The following SNX31 variants were observed in gnomAD, a reference collection of about 807,000 sequenced individuals.
SNX31 encodes the protein sorting nexin-31.
SNX31 carries 58 observed loss-of-function variants against 65.4 expected under a neutral mutation model. The observed-to-expected ratio is 0.89, with a 90% confidence interval of 0.72 to 1.10. SNX31 has a LOEUF of 1.10. SNX31 is among the 50% of genes least tolerant of loss of function. The pLI is 0.00. For missense variants in SNX31, 523 were observed against 529.7 expected, an observed-to-expected ratio of 0.99 and a Z score of 0.12; for synonymous variants, 181 against 190.1, an observed-to-expected ratio of 0.95 and a Z score of 0.39.
chr8:100,590,251 T>C (rs921951456), intron 10 of SNX31, among the ~76,000 whole-genome samples: 1 of 152,192 alleles, frequency 6.6e-6, no homozygotes, highest in South Asian at 2.1e-4. Context: ...AAAGATATTT[T>C]TCCCCCTAGG....
At chr8:100,663,568 G>A (rs545552899), upstream of SNX31, among the ~76,000 whole-genome samples, 44 of 152,248 alleles carry the variant, frequency 2.9e-4, no homozygotes, top group African/African-American at 9.9e-4. Context: ...CGGAGTAAAA[G>A]GTCCTATAAA....
At chr8:100,662,087 A>G (rs185563477) in intron 1 of SNX31, among the ~76,000 whole-genome samples, 292 of 152,298 alleles carry the variant, frequency 1.9e-3, no homozygotes, top group African/African-American at 6.8e-3. Context: ...GGCCTCCCAG[A>G]GTGCTAGGAT....
chr8:100,584,380 T>C (rs1038110892), intron 11 of SNX31, among the ~76,000 whole-genome samples, 192 bp from the exon 12 acceptor site: 1 of 152,234 alleles, frequency 6.6e-6, no homozygotes. Flanking sequence ...TTCTCAATTA[T>C]GTGGATATAT....
chr8:100,589,103 C>T (rs992659104), intron 10 of SNX31, 124 bp from the exon 11 acceptor site: 1 of 587,686 alleles, frequency 1.7e-6, no homozygotes, highest in Non-Finnish European at 3.0e-6. Flanking sequence ...GAGTTCGAGA[C>T]CATCCTGGCC....
chr8:100,604,134 C>T lies in SNX31; in HGVS notation c.682-3693G>A, dbSNP rs60919981. On this transcript the variant is annotated intron_variant, in intron 8 of 13. Coordinates refer to ENST00000311812, the MANE Select transcript of SNX31 (RefSeq NM_152628.4). The surrounding 1 kb of genome is among the most constrained non-coding windows in gnomAD (Gnocchi z 4.3). ...ATACAGTGCCTCACTCTGAGTAGGT[C>T]CAGACAATGAGAGTCGAGTCTAGAC... Among the ~76,000 whole-genome samples the T allele has an allele frequency of 4.9e-3, 747 of 152,146 alleles. 7 individuals are homozygous for T. The highest frequency in any genetic ancestry group is 0.043 in the East Asian group (223 of 5,180).
intron 8 of SNX31, among the ~76,000 whole-genome samples, chr8:100,608,085 A>G (rs1475569360): frequency 1.3e-5 from 2 of 152,222 alleles, no homozygotes; most frequent in Non-Finnish European, 2.9e-5. Flanking sequence ...AAATTCAGAG[A>G]TGGATTGTTA....
chr8:100,641,801 G>A (rs1271160311), intron 2 of SNX31, among the ~76,000 whole-genome samples: 11 of 149,682 alleles, frequency 7.3e-5, no homozygotes, highest in African/African-American at 2.5e-5. Context: ...ATTATAGGCC[G>A]GGCGTGGTGG....
Position 100,604,522 on chromosome 8 carries a change from C to T in SNX31, c.681+3972G>A, listed in dbSNP as rs1184777879. Among the ~76,000 whole-genome samples the T allele has an allele frequency of 3.3e-5, 5 of 152,330 alleles. No individual in the cohort carries two copies. The highest frequency in any genetic ancestry group is 4.1e-4 in the South Asian group (2 of 4,828). On this transcript the variant is annotated intron_variant, in intron 8 of 13. Coordinates refer to ENST00000311812, the MANE Select transcript of SNX31 (RefSeq NM_152628.4). This position sits in a 1 kb window ranked among gnomAD's most constrained non-coding sequence, Gnocchi z 4.3. ...GTCAGGAAGCCAAAGGTCAGCCCCC[C>T]TCCACTCACCAAGCCATGGGCCCCG...
At chr8:100,583,375 G>A (rs567376420) in intron 12 of SNX31, among the ~76,000 whole-genome samples, 1 of 151,984 alleles carries the variant, frequency 6.6e-6, no homozygotes, top group South Asian at 2.1e-4. Flanking sequence ...GAAGTGCTGG[G>A]ATTACAGGCA....
rs561685363 is a variant in SNX31, at chr8:100,589,080, C to T, written c.979-101G>A. The T allele has an allele frequency of 6.4e-5, 51 of 792,564 alleles. No homozygotes were observed. The East Asian group carries it at 9.1e-4, about 14-fold the overall frequency. 49.1% of individuals were successfully genotyped at this position (792,564 alleles called of 1,614,324 possible). ...GAAATCCCAGCTGAGGCGGGCAGATCGCCTGAGGTCAGGAGTTCGAGACCA... is the reference window on the plus strand; with the variant it reads ...GAAATCCCAGCTGAGGCGGGCAGATTGCCTGAGGTCAGGAGTTCGAGACCA... On this transcript the variant is annotated intron_variant, in intron 10 of 13. Coordinates refer to ENST00000311812, the MANE Select transcript of SNX31 (RefSeq NM_152628.4).
At chr8:100,611,808 G>T (rs1816735812) in intron 7 of SNX31, among the ~76,000 whole-genome samples, 192 bp downstream of exon 7, 1 of 152,072 alleles carries the variant, frequency 6.6e-6, no homozygotes, top group Non-Finnish European at 1.5e-5. Flanking sequence ...ATCTTGCCTT[G>T]GTCTCCCAAG....
At chr8:100,611,934 G>A (rs1291139083) in intron 7 of SNX31, 66 bp downstream of exon 7, 1 of 1,229,054 alleles carries the variant, frequency 8.1e-7, no homozygotes, top group Admixed American at 1.7e-5. Context: ...ACGGGACTCT[G>A]GTAAGTCCTG....
At position 100,608,567 on chromosome 8, in the gene SNX31, C is replaced by T. The variant is rs531554383; in HGVS notation, c.612-4G>A. Reference sequence around the variant, plus strand: ...GTCGAGGGATGGAGCCATATACCTGCAAAATTCAGGAGTGTGAAATTCATT... The same window carrying T: ...GTCGAGGGATGGAGCCATATACCTGTAAAATTCAGGAGTGTGAAATTCATT... On this transcript the variant is annotated splice_polypyrimidine_tract_variant and splice_region_variant and intron_variant, in intron 7 of 13. Transcript: ENST00000311812. 4 of 1,613,786 alleles carry T rather than the reference C, an allele frequency of 2.5e-6. No individual in the cohort carries two copies. Among genetic ancestry groups the T allele is most frequent in the East Asian group, 2.2e-5 (1 of 44,870 alleles).
At chr8:100,653,537 C>T (rs1301827811), upstream of SNX31, among the ~76,000 whole-genome samples, 1 of 152,172 alleles carries the variant, frequency 6.6e-6, no homozygotes, top group Non-Finnish European at 1.5e-5. Flanking sequence ...AGTTGTGCTT[C>T]CAGAAGCCAA....
At position 100,584,144 on chromosome 8, in the gene SNX31, C is replaced by T. The variant is rs1563514050; in HGVS notation, c.1137G>A (p.Lys379=). 1.9e-6 allele frequency: 3 copies of T among 1,603,320 alleles called. No individual in the cohort carries two copies. Among genetic ancestry groups the T allele is most frequent in the Non-Finnish European group, 2.6e-6 (3 of 1,175,946 alleles). Residue 379 remains lysine, a synonymous_variant, in exon 12 of 14, where the codon AAG becomes AAA. Transcript: ENST00000311812. ...SSCLKKMISE[K]MVKLAAENTE... ...TATTCTCAGCAGCTAGCTTTACCAT[C>T]TTTTCTGAGATCATCTTTTTCAAGC...
At position 100,608,563 on chromosome 8, in the gene SNX31, C is replaced by T. The variant is rs762390684; in HGVS notation, c.612G>A (p.Trp204Ter). The T allele has an allele frequency of 6.2e-7, 1 of 1,613,822 alleles. No individual in the cohort carries two copies. The highest frequency in any genetic ancestry group is 2.2e-5 in the East Asian group (1 of 44,868). The change falls in exon 8 of 14, where the codon TGG becomes TGA. Residue 204 changes from tryptophan to a stop codon, truncating the protein, a stop_gained and splice_region_variant. Coordinates refer to ENST00000311812, the MANE Select transcript of SNX31 (RefSeq NM_152628.4). LOFTEE classifies it high-confidence loss of function. ...CGGAGTCGAGGGATGGAGCCATATA[C>T]CTGCAAAATTCAGGAGTGTGAAATT... is the stretch of plus-strand genomic sequence containing the variant. ...VENCKVGLRKWYMAPSLDSVL... is the reference protein window; with the variant it reads ...VENCKVGLRK
At chr8:100,638,513 A>G (rs1477561855) in intron 2 of SNX31, among the ~76,000 whole-genome samples, 1 of 152,206 alleles carries the variant, frequency 6.6e-6, no homozygotes, top group Non-Finnish European at 1.5e-5. Flanking sequence ...CCCGTGGGCA[A>G]AACACACTTC....
chr8:100,618,515 G>C, intron 4 of SNX31: 1 of 610,928 alleles, frequency 1.6e-6, no homozygotes, highest in Non-Finnish European at 2.9e-6. Context: ...GTTGGCATCA[G>C]ATCCCTCACG....
At chr8:100,619,798 T>A (rs2131102067) in intron 4 of SNX31, 1 of 152,294 alleles carries the variant, frequency 6.6e-6, no homozygotes, top group Non-Finnish European at 1.5e-5. Context: ...TACAATAAAT[T>A]AACTTCTCTC....
Sources: allele counts gnomAD v4.1 joint callset (sites outside exome capture counted in the v4.1 genomes callset), GRCh38; gene constraint gnomAD v4.1.1; non-coding constraint Gnocchi (gnomAD v3.1); transcripts MANE v1.5; gene names NCBI Gene and HGNC (gene_info 2026-07-23, HGNC 2026-07-21).